The following MAPK10 variants were observed in gnomAD, a reference collection of about 807,000 sequenced individuals.
MAPK10 encodes JNK3 alpha protein kinase.
A neutral mutation model predicts 59.3 loss-of-function variants in MAPK10; 25 were observed. That is an observed-to-expected ratio of 0.42 (90% CI 0.31 to 0.59). The LOEUF (loss-of-function observed/expected upper bound fraction) is 0.59. Among genes scored for constraint, MAPK10 ranks in the 20% least tolerant of loss-of-function variants. The probability of loss-of-function intolerance (pLI) is 0.15; values close to 1 mark genes in which losing one functional copy is unlikely to be tolerated. For synonymous variants in MAPK10, 190 were observed against 200.5 expected, an observed-to-expected ratio of 0.95 and a Z score of 0.44; for missense variants, 351 against 568.9, an observed-to-expected ratio of 0.62 and a Z score of 3.90.
intron 10 of MAPK10, among the ~76,000 whole-genome samples, chr4:86,066,567 C>T (rs1205145485): frequency 6.6e-6 from 1 of 151,786 alleles, no homozygotes; most frequent in Non-Finnish European, 1.5e-5. Context: ...GAGGTCGAGA[C>T]GATCCTGGCT....
intron 1 of MAPK10, among the ~76,000 whole-genome samples, chr4:86,421,642 A>G (rs1452019561): frequency 6.6e-6 from 1 of 152,176 alleles, no homozygotes; most frequent in Non-Finnish European, 1.5e-5. Context: ...TACAAAGCAC[A>G]AAGGCAAGGA....
intron 9 of MAPK10, among the ~76,000 whole-genome samples, chr4:86,069,814 G>A (rs2047447307): frequency 6.6e-6 from 1 of 151,910 alleles, no homozygotes; most frequent in South Asian, 2.1e-4. Context: ...AACAAAGTTG[G>A]CAAAATAATC....
intron 1 of MAPK10, among the ~76,000 whole-genome samples, chr4:86,431,100 G>A (rs1218509770): frequency 2.0e-5 from 3 of 150,826 alleles, no homozygotes; most frequent in East Asian, 3.9e-4. Flanking sequence ...GAGGAAAGGA[G>A]GAAGAAAAGA....
intron 2 of MAPK10, among the ~76,000 whole-genome samples, chr4:86,335,323 G>A (rs960095846): frequency 2.6e-5 from 4 of 152,152 alleles, no homozygotes; most frequent in African/African-American, 9.7e-5. Flanking sequence ...AAAGGCAAAT[G>A]CCATTATATG....
At chr4:86,571,340 G>T (rs1761436253) in intron 1 of MAPK10, among the ~76,000 whole-genome samples, 1 of 150,316 alleles carries the variant, frequency 6.7e-6, no homozygotes, top group South Asian at 2.1e-4. Flanking sequence ...GTGTGTGTGT[G>T]TGTGTGTGTG....
intron 2 of MAPK10, among the ~76,000 whole-genome samples, chr4:86,251,161 T>C (rs1199120860): frequency 1.3e-5 from 1 of 74,542 alleles, no homozygotes; most frequent in Non-Finnish European, 2.4e-5. Context: ...TTTTATTTTA[T>C]TTTATTTTAT....
At chr4:86,473,893 T>TA (rs1445039223) in intron 1 of MAPK10, among the ~76,000 whole-genome samples, 1 of 152,136 alleles carries the variant, frequency 6.6e-6, no homozygotes, top group East Asian at 1.9e-4. Context: ...TTCATGCCTG[T>TA]AATCTCAGCA....
intron 9 of MAPK10, among the ~76,000 whole-genome samples, chr4:86,084,697 G>A (rs1479857203): frequency 6.9e-6 from 1 of 144,588 alleles, no homozygotes; most frequent in Non-Finnish European, 1.5e-5. Flanking sequence ...CAGATTCAAT[G>A]CAGTCCCTAT....
chr4:86,369,926 C>T (rs1738497059), intron 1 of MAPK10, among the ~76,000 whole-genome samples: 1 of 152,134 alleles, frequency 6.6e-6, no homozygotes, highest in Non-Finnish European at 1.5e-5. Context: ...TAATAATATT[C>T]ACTTCACAGA....
intron 1 of MAPK10, among the ~76,000 whole-genome samples, chr4:86,463,432 C>T (rs544668249): frequency 5.4e-4 from 82 of 152,230 alleles, no homozygotes; most frequent in African/African-American, 1.8e-3. Context: ...TGAACCTACT[C>T]GTAAAAAATT....
chr4:86,548,286 G>A (rs1030323854), intron 1 of MAPK10, among the ~76,000 whole-genome samples: 1 of 151,890 alleles, frequency 6.6e-6, no homozygotes, highest in Non-Finnish European at 1.5e-5. Flanking sequence ...CAGCGAGACC[G>A]CGAACCCCAC....
intron 11 of MAPK10, among the ~76,000 whole-genome samples, chr4:86,039,585 G>A (rs1166314265): frequency 6.6e-6 from 1 of 152,118 alleles, no homozygotes; most frequent in East Asian, 1.9e-4. Context: ...CTACTGCCAG[G>A]TCTACCTTAG....
intron 1 of MAPK10, among the ~76,000 whole-genome samples, chr4:86,542,323 T>C (rs1436594562): frequency 1.3e-5 from 2 of 152,152 alleles, no homozygotes; most frequent in Non-Finnish European, 2.9e-5. Flanking sequence ...GACCAGAGTT[T>C]TAGCTCTGGC....
intron 1 of MAPK10, among the ~76,000 whole-genome samples, chr4:86,435,315 G>A (rs554394692): frequency 4.6e-5 from 7 of 152,052 alleles, no homozygotes; most frequent in African/African-American, 1.7e-4. Flanking sequence ...TGACCAATAT[G>A]ATGAAACCCA....
intron 2 of MAPK10, among the ~76,000 whole-genome samples, chr4:86,278,736 T>A (rs72865383): frequency 1.6e-3 from 246 of 152,276 alleles, no homozygotes; most frequent in Middle Eastern, 0.01. Flanking sequence ...TACTCCCTGA[T>A]AGAATACACA....
At chr4:86,470,110 A>G (rs1410742565) in intron 1 of MAPK10, among the ~76,000 whole-genome samples, 1 of 152,214 alleles carries the variant, frequency 6.6e-6, no homozygotes, top group East Asian at 1.9e-4. Flanking sequence ...AGCCTCCATG[A>G]CCATGAAAGT....
At chr4:86,021,605 C>T (rs1054046124) in intron 13 of MAPK10, among the ~76,000 whole-genome samples, 2 of 152,362 alleles carry the variant, frequency 1.3e-5, no homozygotes, top group South Asian at 2.1e-4. Flanking sequence ...GCTGTGCGCT[C>T]GCATTCCTCA....
intron 2 of MAPK10, among the ~76,000 whole-genome samples, chr4:86,284,749 C>G (rs2094936470): frequency 6.6e-6 from 1 of 152,174 alleles, no homozygotes. Context: ...GACAGAGAGT[C>G]AGCCTTTTCA....
chr4:86,269,188 A>G (rs2094352427), intron 2 of MAPK10, among the ~76,000 whole-genome samples: 1 of 152,304 alleles, frequency 6.6e-6, no homozygotes, highest in East Asian at 1.9e-4. Flanking sequence ...TCCTCTCCAC[A>G]CTTCATAGAC....
Sources: allele counts gnomAD v4.1 joint callset (sites outside exome capture counted in the v4.1 genomes callset), GRCh38; gene constraint gnomAD v4.1.1; transcripts MANE v1.5; gene names NCBI Gene and HGNC (gene_info 2026-07-23, HGNC 2026-07-21).